KIAA1328: variants seen among roughly 807,000 people sequenced by gnomAD.
The protein encoded by KIAA1328 is KIAA1328.
A neutral mutation model predicts 68.1 loss-of-function variants in KIAA1328; 52 were observed. The ratio of observed to expected loss-of-function variants is 0.76; its 90% CI spans 0.61 to 0.96. KIAA1328 has a LOEUF of 0.96. Among genes scored for constraint, KIAA1328 ranks in the 40% least tolerant of loss-of-function variants. KIAA1328 has a pLI of 0.00. For synonymous variants in KIAA1328, 232 were observed against 239.4 expected, an observed-to-expected ratio of 0.97 and a Z score of 0.28; for missense variants, 641 against 677.6, an observed-to-expected ratio of 0.95 and a Z score of 0.60.
chr18:36,961,651 G>A (rs901227111), intron 6 of KIAA1328, among the ~76,000 whole-genome samples: 1 of 152,166 alleles, frequency 6.6e-6, no homozygotes, highest in Non-Finnish European at 1.5e-5. Context: ...AAGAGAGTGG[G>A]GGCCAATCTT....
At chr18:37,193,530 A>G in intron 9 of KIAA1328, 1 of 681,810 alleles carries the variant, frequency 1.5e-6, no homozygotes, top group Non-Finnish European at 2.7e-6. Context: ...TTTCAGATGA[A>G]TATTAACAAC....
chr18:36,875,676 T>G (rs1188823777), intron 4 of KIAA1328, among the ~76,000 whole-genome samples: 1 of 152,206 alleles, frequency 6.6e-6, no homozygotes, highest in East Asian at 1.9e-4. Flanking sequence ...TCTTGCCTGA[T>G]TGCCCTGGCC....
At chr18:36,922,991 G>A (rs1015725493) in intron 5 of KIAA1328, among the ~76,000 whole-genome samples, 3 of 151,936 alleles carry the variant, frequency 2.0e-5, no homozygotes, top group Non-Finnish European at 4.4e-5. Context: ...ATTCCTCCAT[G>A]TCAATAAGTA....
At chr18:37,063,662 A>G (rs1365462340) in intron 6 of KIAA1328, 1 of 985,310 alleles carries the variant, frequency 1.0e-6, no homozygotes, top group African/African-American at 1.7e-5. Flanking sequence ...CTCTCTAGGC[A>G]AAGCATTCGT....
At chr18:37,057,854 A>T (rs1179268261) in intron 6 of KIAA1328, among the ~76,000 whole-genome samples, 1 of 152,188 alleles carries the variant, frequency 6.6e-6, no homozygotes, top group Non-Finnish European at 1.5e-5. Flanking sequence ...TGCAGCTATG[A>T]CAAGGATCTC....
At chr18:37,149,061 A>G (rs796929909) in intron 7 of KIAA1328, among the ~76,000 whole-genome samples, 7 of 152,324 alleles carry the variant, frequency 4.6e-5, no homozygotes, top group African/African-American at 1.7e-4. Flanking sequence ...TCTTCACAGA[A>G]TTAGAAGAAA....
intron 7 of KIAA1328, among the ~76,000 whole-genome samples, chr18:37,138,210 A>G (rs1335660274): frequency 2.0e-5 from 3 of 152,080 alleles, no homozygotes; most frequent in Non-Finnish European, 4.4e-5. Context: ...CCTCACAACA[A>G]CTCTGTGAGT....
chr18:36,984,485 A>C (rs983241473), intron 6 of KIAA1328, among the ~76,000 whole-genome samples: 4 of 152,212 alleles, frequency 2.6e-5, no homozygotes, highest in African/African-American at 9.6e-5. Context: ...AGAAATCAAA[A>C]ATTTAAAACA....
At chr18:37,035,613 A>G (rs1273272421) in intron 6 of KIAA1328, among the ~76,000 whole-genome samples, 2 of 152,220 alleles carry the variant, frequency 1.3e-5, no homozygotes. Flanking sequence ...AATAGAGAAG[A>G]GTCTCCAAGA....
chr18:37,021,054 T>G (rs533683651), intron 6 of KIAA1328, among the ~76,000 whole-genome samples: 2 of 152,336 alleles, frequency 1.3e-5, no homozygotes, highest in Admixed American at 1.3e-4. Flanking sequence ...AGATTTTAAT[T>G]ATTTGTATAG....
At chr18:37,071,730 T>C (rs1223105648) in intron 7 of KIAA1328, among the ~76,000 whole-genome samples, 1 of 152,208 alleles carries the variant, frequency 6.6e-6, no homozygotes, top group Non-Finnish European at 1.5e-5. Flanking sequence ...TGAGTATGTT[T>C]CTTTGAATAG....
chr18:37,134,806 C>T (rs988167150), intron 7 of KIAA1328, among the ~76,000 whole-genome samples: 1 of 152,146 alleles, frequency 6.6e-6, no homozygotes, highest in Non-Finnish European at 1.5e-5. Flanking sequence ...CCCTATCACC[C>T]AGGTACTGAG....
At chr18:37,034,458 T>A (rs1240019216) in intron 6 of KIAA1328, among the ~76,000 whole-genome samples, 1 of 152,186 alleles carries the variant, frequency 6.6e-6, no homozygotes, top group African/African-American at 2.4e-5. Context: ...CAGAAACATT[T>A]ATTTTCTGAA....
chr18:37,029,975 G>A (rs1327512202), intron 6 of KIAA1328, among the ~76,000 whole-genome samples: 2 of 151,966 alleles, frequency 1.3e-5, no homozygotes, highest in African/African-American at 4.8e-5. Context: ...ATTTCATTTT[G>A]GATGTTATAT....
At chr18:37,001,746 AC>A in intron 6 of KIAA1328, among the ~76,000 whole-genome samples, 1 of 152,220 alleles carries the variant, frequency 6.6e-6, no homozygotes, top group African/African-American at 2.4e-5. Flanking sequence ...ACAATGAAGG[AC>A]AAAAAGTATA....
chr18:37,026,142 C>G (rs530998628), intron 6 of KIAA1328, among the ~76,000 whole-genome samples: 1 of 152,042 alleles, frequency 6.6e-6, no homozygotes, highest in East Asian at 1.9e-4. Flanking sequence ...ATAAATTTCT[C>G]GACACATACA....
At chr18:37,021,344 A>G (rs2054338654) in intron 6 of KIAA1328, among the ~76,000 whole-genome samples, 1 of 152,254 alleles carries the variant, frequency 6.6e-6, no homozygotes. Flanking sequence ...ATAAAATGTT[A>G]TTAATAGAAC....
intron 5 of KIAA1328, among the ~76,000 whole-genome samples, chr18:36,920,062 G>T (rs1164775249): frequency 6.6e-6 from 1 of 152,048 alleles, no homozygotes; most frequent in African/African-American, 2.4e-5. Context: ...CTGGGCAGTG[G>T]TCCCACTTGT....
intron 6 of KIAA1328, among the ~76,000 whole-genome samples, chr18:36,973,788 T>C (rs1376391794): frequency 6.8e-6 from 1 of 146,986 alleles, no homozygotes; most frequent in Non-Finnish European, 1.5e-5. Context: ...GACACAGTTT[T>C]ATATATAATT....
Sources: gnomAD v4.1 joint callset for allele counts (sites outside exome capture counted in the v4.1 genomes callset) on GRCh38, gnomAD v4.1.1 for gene constraint, MANE v1.5 for transcripts, NCBI Gene and HGNC (gene_info 2026-07-23, HGNC 2026-07-21) for gene names.